RNF145: variants seen among roughly 807,000 people sequenced by gnomAD.
RNF145 encodes ring finger protein 145.
Under a neutral mutation model 57.3 loss-of-function variants are expected in RNF145, and 12 were observed. The ratio of observed to expected loss-of-function variants is 0.21; its 90% confidence interval spans 0.13 to 0.34. The LOEUF (loss-of-function observed/expected upper bound fraction) is 0.34. Ranked by LOEUF, RNF145 falls within the 10% of genes least tolerant of loss-of-function variation. The probability of loss-of-function intolerance (pLI) is 1.00; values close to 1 mark genes in which losing one functional copy is unlikely to be tolerated. For synonymous variants in RNF145, 262 were observed against 288.3 expected, an observed-to-expected ratio of 0.91 and a Z score of 0.92; for missense variants, 429 against 799.0, an observed-to-expected ratio of 0.54 and a Z score of 5.58.
In RNF145 at chr5:159,163,028, T is replaced by A. The variant is rs1199904621; in HGVS notation, c.1173A>T (p.Val391=). ...TCATATAAGCCATATAAGCAGGGAA[T>A]ACCAATAAAAATAAACAAAGGCTTA... ...RAVSLCLFLL[V]FPAYMAYMIC... Residue 391 remains valine, a synonymous_variant, in exon 9 of 11, where the codon GTA becomes GTT. Transcript: ENST00000424310. 1 of 1,611,032 alleles carries A rather than the reference T, an allele frequency of 6.2e-7. No homozygotes were observed. Among genetic ancestry groups the A allele is most frequent in the Non-Finnish European group, 8.5e-7 (1 of 1,179,310 alleles).
intron 3 of RNF145, among the ~76,000 whole-genome samples, chr5:159,187,854 C>T (rs1173437869): frequency 6.6e-6 from 1 of 152,150 alleles, no homozygotes; most frequent in African/African-American, 2.4e-5. Flanking sequence ...CCCCAATCTA[C>T]AACTTTGAAT....
chr5:159,192,093 T>C (rs541213091), intron 3 of RNF145, among the ~76,000 whole-genome samples: 3 of 152,048 alleles, frequency 2.0e-5, no homozygotes, highest in Non-Finnish European at 4.4e-5. Flanking sequence ...TGTACAGACT[T>C]TTTTTGTCAT....
chr5:159,201,978 G>A (rs1785685451), intron 2 of RNF145, among the ~76,000 whole-genome samples: 2 of 152,240 alleles, frequency 1.3e-5, no homozygotes, highest in South Asian at 2.1e-4. Flanking sequence ...GTAATATTTT[G>A]ACAAAGGTAA....
chr5:159,200,964 C>T (rs1202039048), intron 2 of RNF145, among the ~76,000 whole-genome samples: 4 of 152,132 alleles, frequency 2.6e-5, no homozygotes, highest in African/African-American at 9.7e-5. Flanking sequence ...TGGTAACAGG[C>T]TGTTTTGATA....
chr5:159,201,322 C>A (rs1347722407), intron 2 of RNF145, among the ~76,000 whole-genome samples: 9 of 152,202 alleles, frequency 5.9e-5, no homozygotes, highest in Admixed American at 5.9e-4. Flanking sequence ...TTTAACCCAG[C>A]AACTTCGCTT....
intron 3 of RNF145, among the ~76,000 whole-genome samples, chr5:159,183,500 T>C (rs1784961061): frequency 6.6e-6 from 1 of 151,974 alleles, no homozygotes; most frequent in South Asian, 2.1e-4. Flanking sequence ...AAGACACAAA[T>C]GCAAATAACA....
At chr5:159,203,762 G>T in intron 1 of RNF145, 106 bp from the exon 2 acceptor site, 1 of 676,258 alleles carries the variant, frequency 1.5e-6, no homozygotes, top group Non-Finnish European at 2.5e-6. Context: ...ACAAAACTAT[G>T]TGAGAACGTA....
At chr5:159,175,835 A>G (rs1052413720) in intron 5 of RNF145, among the ~76,000 whole-genome samples, 7 of 152,204 alleles carry the variant, frequency 4.6e-5, no homozygotes, top group Admixed American at 4.6e-4. Flanking sequence ...CTGTACCTTA[A>G]GGACACAGTC....
In RNF145 at chr5:159,169,738, T is replaced by G; in HGVS notation, c.879A>C (p.Thr293=). The part of the protein sequence containing the change: ...TVSFVALGVL[T]LCKFYLQGYR... ...AACCCTGCAAGTAAAACTTGCAGAG[T>G]GTGAGAACACCCAAGGCAACAAAAG... The change falls in exon 7 of 11, where the codon ACA becomes ACC. Residue 293 remains threonine, a synonymous_variant. Transcript: ENST00000424310. 2 of 1,613,324 alleles carry G rather than the reference T, an allele frequency of 1.2e-6. No homozygotes were observed. Among genetic ancestry groups the G allele is most frequent in the Non-Finnish European group, 1.7e-6 (2 of 1,179,612 alleles).
rs1451600562 is a variant in RNF145, at chr5:159,203,613, G to A, written c.5C>T (p.Ala2Val). 1 of 1,598,298 alleles carries A rather than the reference G, an allele frequency of 6.3e-7. No homozygotes were observed. Among genetic ancestry groups the A allele is most frequent in the Non-Finnish European group, 8.5e-7 (1 of 1,175,660 alleles). Reference protein sequence around the residue: MAAKEKLEAVLN... With the variant: MVAKEKLEAVLN... ...CACTGCCTCCAGTTTCTCCTTTGCA[G>A]CCATGTTGTTTTTTTTTTTCTTTTT... The change falls in exon 2 of 11, where the codon GCT (alanine) becomes GTT (valine). Residue 2 changes from alanine to valine, a missense_variant. By Grantham distance (64) the Ala-to-Val change is moderately conservative. This residue lies in a region of RNF145 where 109 missense variants were observed against 207.2 expected (regional missense o/e 0.53). Coordinates refer to ENST00000424310, the MANE Select transcript of RNF145 (RefSeq NM_001199383.2).
intron 6 of RNF145, among the ~76,000 whole-genome samples, chr5:159,173,468 C>T (rs1245078523): frequency 3.9e-5 from 6 of 152,120 alleles, no homozygotes; most frequent in African/African-American, 1.2e-4. Context: ...TCACAGGCTT[C>T]GAACTCAGGT....
chr5:159,188,980 C>A (rs1031664046), intron 3 of RNF145, among the ~76,000 whole-genome samples: 2 of 151,720 alleles, frequency 1.3e-5, no homozygotes, highest in Admixed American at 6.6e-5. Flanking sequence ...TTTTTAAGTA[C>A]GAAATTAATT....
intron 1 of RNF145, among the ~76,000 whole-genome samples, chr5:159,206,410 TAA>T (rs781019799): frequency 3.9e-5 from 6 of 152,164 alleles, no homozygotes; most frequent in Admixed American, 1.3e-4. Flanking sequence ...CCTTCTAAAG[TAA>T]AAGAGCACAT....
At chr5:159,159,479 G>A (rs1015805898) in intron 10 of RNF145, among the ~76,000 whole-genome samples, 2 of 152,190 alleles carry the variant, frequency 1.3e-5, no homozygotes, top group African/African-American at 4.8e-5. Flanking sequence ...TTGGCAAAGA[G>A]ACAAAATCGG....
At chr5:159,187,037 T>C (rs62378712) in intron 3 of RNF145, among the ~76,000 whole-genome samples, 31,144 of 151,038 alleles carry the variant, frequency 0.21, 3,587 homozygotes, top group Middle Eastern at 0.28. Flanking sequence ...TCCCAGCACT[T>C]TGGGAGGCCA....
chr5:159,161,863 G>A (rs530723654), intron 9 of RNF145, among the ~76,000 whole-genome samples: 71 of 152,224 alleles, frequency 4.7e-4, no homozygotes, highest in Non-Finnish European at 6.6e-4. Flanking sequence ...AAGCCACACC[G>A]TCAGACGTGA....
At chr5:159,193,906 A>G (rs1785368389) in intron 3 of RNF145, among the ~76,000 whole-genome samples, 4 of 152,240 alleles carry the variant, frequency 2.6e-5, no homozygotes, top group South Asian at 2.1e-4. Context: ...CAAAAATCAT[A>G]AAATTTAAGT....
chr5:159,188,997 ATTAT>A (rs1785185055), intron 3 of RNF145, among the ~76,000 whole-genome samples: 1 of 152,222 alleles, frequency 6.6e-6, no homozygotes, highest in African/African-American at 2.4e-5. Flanking sequence ...AATTGTTAAA[ATTAT>A]TATAAGTGCT....
Position 159,162,466 on chromosome 5 carries a change from C to T in RNF145, c.1269+466G>A, listed in dbSNP as rs188416473. Among the ~76,000 whole-genome samples the T allele has an allele frequency of 7.2e-5, 10 of 139,108 alleles. No individual in the cohort carries two copies. In the East Asian group the frequency reaches 1.8e-3, roughly 26 times the overall value. The allele number at this position is 139,108 out of a possible 152,430, so 91.3% of individuals were successfully genotyped here. A position where few individuals can be genotyped will look rare whatever the true frequency, so the allele number is the denominator to read the frequency against. ...TTTTTGAGACGGAGTCTCGCTCTGT[C>T]GCCCAGGCCGGACTGCGGACTGCAG... On this transcript the variant is annotated intron_variant, in intron 9 of 10. Transcript: ENST00000424310.
Sources: allele counts gnomAD v4.1 joint callset (sites outside exome capture counted in the v4.1 genomes callset), GRCh38; gene constraint gnomAD v4.1.1; regional missense constraint gnomAD v4.1.1; transcripts MANE v1.5; gene names NCBI Gene and HGNC (gene_info 2026-07-23, HGNC 2026-07-21).